The following RALGPS2 variants were observed in gnomAD, a reference collection of about 807,000 sequenced individuals.
RALGPS2 encodes the protein Ral GEF with PH domain and SH3 binding motif 2, also known as ras-specific guanine nucleotide-releasing factor RalGPS2.
In RALGPS2, 43 loss-of-function variants were observed where a neutral mutation model predicts 86.8. The observed-to-expected ratio is 0.50, with a 90% CI of 0.39 to 0.64. The LOEUF is 0.64. Ranked by LOEUF, RALGPS2 falls within the 30% of genes least tolerant of loss-of-function variation. RALGPS2 has a pLI of 0.00. For missense variants in RALGPS2, 536 were observed against 694.6 expected, an observed-to-expected ratio of 0.77 and a Z score of 2.57; for synonymous variants, 243 against 231.3, an observed-to-expected ratio of 1.05 and a Z score of -0.46.
At chr1:178,844,716 G>A (rs755018791) in intron 8 of RALGPS2, among the ~76,000 whole-genome samples, 1 of 152,138 alleles carries the variant, frequency 6.6e-6, no homozygotes, top group Non-Finnish European at 1.5e-5. Flanking sequence ...GTCTTAAGGG[G>A]CTTGTTGAAG....
At chr1:178,770,261 C>T (rs1439316436) in intron 1 of RALGPS2, among the ~76,000 whole-genome samples, 2 of 151,798 alleles carry the variant, frequency 1.3e-5, no homozygotes, top group African/African-American at 4.8e-5. Context: ...AGAAGTGAAG[C>T]AATCCACCCA....
At chr1:178,859,403 T>TC (rs200393236) in intron 8 of RALGPS2, among the ~76,000 whole-genome samples, 1,302 of 118,738 alleles carry the variant, frequency 0.011, 21 homozygotes, top group African/African-American at 0.056. Context: ...AAGTTTAACT[T>TC]TTTTTTTTTT....
intron 1 of RALGPS2, among the ~76,000 whole-genome samples, chr1:178,752,647 G>A (rs954068558): frequency 2.6e-5 from 4 of 152,216 alleles, no homozygotes; most frequent in African/African-American, 4.8e-5. Flanking sequence ...ATATAGTAAT[G>A]TGAATAAGTA....
At chr1:178,773,137 C>T (rs1336987416) in intron 1 of RALGPS2, among the ~76,000 whole-genome samples, 1 of 152,190 alleles carries the variant, frequency 6.6e-6, no homozygotes, top group Non-Finnish European at 1.5e-5. Context: ...TGAGAAATAA[C>T]GTCTGCTATT....
intron 10 of RALGPS2, 132 bp downstream of exon 10, chr1:178,879,124 G>C: frequency 7.8e-7 from 1 of 1,284,736 alleles, no homozygotes; most frequent in African/African-American, 1.5e-5. Context: ...CAGCAGTAAA[G>C]GTACTAACAT....
intron 8 of RALGPS2, chr1:178,853,097 C>G: frequency 7.1e-7 from 1 of 1,416,242 alleles, no homozygotes; most frequent in African/African-American, 1.4e-5. Context: ...TGGTCACTTG[C>G]GTTTTATAAG....
rs1647322827 is a variant in RALGPS2, at chr1:178,921,582, A to C, written c.*5223A>C. On this transcript the variant is annotated 3_prime_UTR_variant, in exon 20 of 20. Transcript: ENST00000367635. ...CAAACATCTGTAAGGACAGGTACCC[A>C]GTGATGATAATATATCTGAAAACAC... is the stretch of plus-strand genomic sequence containing the variant. The C allele has an allele frequency of 1.3e-5, 2 of 152,154 alleles. No homozygotes were observed. The highest frequency in any genetic ancestry group is 4.1e-4 in the South Asian group (2 of 4,828). 9.4% of individuals were successfully genotyped at this position (152,154 alleles called of 1,614,324 possible). A position where few individuals can be genotyped will look rare whatever the true frequency, so the allele number is the denominator to read the frequency against.
intron 1 of RALGPS2, chr1:178,725,800 A>C (rs1179499304): frequency 6.6e-6 from 1 of 152,246 alleles, no homozygotes; most frequent in African/African-American, 2.4e-5. Flanking sequence ...GCGGCGCCTC[A>C]GTCTTCCTTC....
Position 178,784,333 on chromosome 1 carries a change from T to C in RALGPS2, c.58-85T>C, listed in dbSNP as rs1439230369. 3 of 991,970 alleles carry C rather than the reference T, an allele frequency of 3.0e-6. No homozygotes were observed. In the Admixed American group the frequency reaches 7.3e-5, roughly 24 times the overall value. The allele number at this position is 991,970 out of a possible 1,614,324, so 61.4% of individuals were successfully genotyped here. ...GCATTTGTTAACCTACTGTTTTGTT[T>C]TCTCAGTTTTTAAGGCCAATCTAGT... On this transcript the variant is annotated intron_variant, in intron 2 of 19. Transcript: ENST00000367635.
intron 8 of RALGPS2, 79 bp downstream of exon 8, chr1:178,833,629 T>A: frequency 6.7e-7 from 1 of 1,486,720 alleles, no homozygotes; most frequent in South Asian, 1.4e-5. Context: ...ATTCAAGGTA[T>A]TTTTTAAATG....
chr1:178,804,190 T>A (rs187556470), intron 4 of RALGPS2, among the ~76,000 whole-genome samples: 100 of 151,702 alleles, frequency 6.6e-4, no homozygotes, highest in Non-Finnish European at 1.1e-3. Context: ...AACTCAGTTA[T>A]TCGCATCTTT....
chr1:178,785,354 A>G lies in RALGPS2; in HGVS notation c.163-203A>G, dbSNP rs1207781989. Among the ~76,000 whole-genome samples the G allele has an allele frequency of 7.2e-5, 11 of 152,118 alleles. No individual in the cohort carries two copies. In the South Asian group the frequency reaches 2.3e-3, roughly 32 times the overall value. On this transcript the variant is annotated intron_variant, in intron 3 of 19. Transcript: ENST00000367635. ...TTTATTTTTTAACTTTACACAATTT[A>G]TCTTCCAAGAAAATATAAATAGACA... is the stretch of plus-strand genomic sequence containing the variant.
At chr1:178,760,486 T>G (rs550241227) in intron 1 of RALGPS2, among the ~76,000 whole-genome samples, 1 of 152,224 alleles carries the variant, frequency 6.6e-6, no homozygotes, top group Non-Finnish European at 1.5e-5. Flanking sequence ...TTCTGTGATA[T>G]AAGAATAGCA....
At chr1:178,835,195 A>G (rs1049117378) in intron 8 of RALGPS2, among the ~76,000 whole-genome samples, 1 of 152,196 alleles carries the variant, frequency 6.6e-6, no homozygotes, top group African/African-American at 2.4e-5. Flanking sequence ...AAGAATGTGT[A>G]CTTTTTATAG....
chr1:178,749,606 T>G (rs140919144), intron 1 of RALGPS2, among the ~76,000 whole-genome samples: 121 of 152,168 alleles, frequency 8.0e-4, no homozygotes, highest in African/African-American at 2.5e-3. Flanking sequence ...TTTTGAGGAG[T>G]AGTATTTTTC....
chr1:178,782,043 T>G (rs1039066239), intron 2 of RALGPS2, among the ~76,000 whole-genome samples: 1 of 152,102 alleles, frequency 6.6e-6, no homozygotes, highest in Non-Finnish European at 1.5e-5. Flanking sequence ...CTAAACAAAC[T>G]GAAAATCAAT....
intron 8 of RALGPS2, among the ~76,000 whole-genome samples, chr1:178,876,735 A>G (rs1659020734): frequency 1.3e-5 from 2 of 152,158 alleles, no homozygotes; most frequent in Non-Finnish European, 1.5e-5. Flanking sequence ...TCACATGTGC[A>G]TTGTGAACTC....
rs371016700 is a variant in RALGPS2, at chr1:178,883,555, G to A, written c.904+22G>A. On this transcript the variant is annotated intron_variant, in intron 11 of 19. Coordinates refer to ENST00000367635, the MANE Select transcript of RALGPS2 (RefSeq NM_152663.5). Reference sequence around the variant, plus strand: ...GTAGGTCAGTACGTAGTTTTCTCTTGTTACCAAATCTAAATCAGATAACCT... The same window carrying A: ...GTAGGTCAGTACGTAGTTTTCTCTTATTACCAAATCTAAATCAGATAACCT... The A allele has an allele frequency of 2.5e-6, 4 of 1,571,940 alleles. No homozygotes were observed. In the African/African-American group the frequency reaches 4.1e-5, roughly 16 times the overall value.
chr1:178,897,108 CAT>C (rs1463083871), intron 16 of RALGPS2, among the ~76,000 whole-genome samples: 1 of 151,902 alleles, frequency 6.6e-6, no homozygotes, highest in Non-Finnish European at 1.5e-5. Flanking sequence ...CAAACAACCC[CAT>C]CAAAAAGTGG....
Sources: allele counts gnomAD v4.1 joint callset (sites outside exome capture counted in the v4.1 genomes callset), GRCh38; gene constraint gnomAD v4.1.1; transcripts MANE v1.5; gene names NCBI Gene and HGNC (gene_info 2026-07-23, HGNC 2026-07-21).